CFAP263: variants seen among roughly 807,000 people sequenced by gnomAD.
The protein encoded by CFAP263 is cilia and flagella associated protein 263, also known as cilia- and flagella-associated protein 263.
chr16:58,259,961 C>T, the CFAP263 span: 3 of 1,471,826 alleles, frequency 2.0e-6, no homozygotes, highest in South Asian at 2.4e-5. Flanking sequence ...CTCTCTCTCT[C>T]TGTTTCTTTT....
chr16:58,254,609 C>CT, the CFAP263 span, among the ~76,000 whole-genome samples: 21,465 of 144,880 alleles, frequency 0.15, 1,964 homozygotes, highest in East Asian at 0.32. Flanking sequence ...ACAGTAATTT[C>CT]TTTTTTTTTT....
the CFAP263 span, among the ~76,000 whole-genome samples, chr16:58,265,742 G>A: frequency 2.0e-5 from 3 of 152,218 alleles, no homozygotes; most frequent in East Asian, 1.9e-4. Context: ...GTTATGTAGC[G>A]ATAGGAAGTG....
At chr16:58,278,988 T>A in the CFAP263 span, among the ~76,000 whole-genome samples, 4 of 152,100 alleles carry the variant, frequency 2.6e-5, no homozygotes, top group African/African-American at 4.8e-5. Flanking sequence ...ATTTTTTTTT[T>A]AAATGAGATA....
At chr16:58,260,663 A>G in the CFAP263 span, among the ~76,000 whole-genome samples, 1 of 152,270 alleles carries the variant, frequency 6.6e-6, no homozygotes, top group East Asian at 1.9e-4. Flanking sequence ...ACATGGTTCC[A>G]TCCTTTCCTA....
the CFAP263 span, among the ~76,000 whole-genome samples, chr16:58,269,415 GA>G: frequency 8.1e-4 from 106 of 131,548 alleles, no homozygotes; most frequent in Admixed American, 1.5e-4. Context: ...GGAAAGAAAG[GA>G]AGGGAGGAAA....
At chr16:58,258,519 G>A in the CFAP263 span, 132 of 1,613,356 alleles carry the variant, frequency 8.2e-5, no homozygotes, top group Non-Finnish European at 1.0e-4. Flanking sequence ...ATGAACCGCC[G>A]GAGGGTAAGT....
the CFAP263 span, among the ~76,000 whole-genome samples, chr16:58,266,405 A>ATTT: frequency 9.5e-5 from 3 of 31,442 alleles, no homozygotes; most frequent in African/African-American, 2.3e-4. Context: ...ATATATATAT[A>ATTT]TTTTTTTTTT....
At chr16:58,254,283 G>A in the CFAP263 span, 50 of 993,512 alleles carry the variant, frequency 5.0e-5, no homozygotes, top group African/African-American at 1.4e-4. Context: ...AGGATGAAGC[G>A]AATCCAGGGC....
the CFAP263 span, chr16:58,280,775 A>C: frequency 6.3e-7 from 1 of 1,580,250 alleles, no homozygotes; most frequent in East Asian, 2.3e-5. Context: ...AAAAGACAGA[A>C]GGCTTCAAGT....
chr16:58,280,604 T>C, the CFAP263 span: 2 of 1,614,180 alleles, frequency 1.2e-6, no homozygotes, highest in Non-Finnish European at 1.7e-6. Context: ...GGGCCGGCCC[T>C]CTCAGCCTTG....
chr16:58,263,525 G>A, the CFAP263 span, among the ~76,000 whole-genome samples: 7 of 152,232 alleles, frequency 4.6e-5, no homozygotes, highest in East Asian at 5.8e-4. Flanking sequence ...CCGACCCCTC[G>A]CATAGTGCTC....
chr16:58,258,910 G>A, the CFAP263 span, among the ~76,000 whole-genome samples: 4 of 151,900 alleles, frequency 2.6e-5, no homozygotes, highest in Admixed American at 2.0e-4. Flanking sequence ...CCTGGGAGGC[G>A]GAGATTGCGG....
the CFAP263 span, among the ~76,000 whole-genome samples, chr16:58,272,238 G>T: frequency 6.6e-6 from 1 of 151,794 alleles, no homozygotes; most frequent in Admixed American, 6.6e-5. Flanking sequence ...GGATGGTCTC[G>T]ATCTCCTGAC....
the CFAP263 span, among the ~76,000 whole-genome samples, chr16:58,279,474 A>T: frequency 1.3e-5 from 2 of 152,132 alleles, no homozygotes; most frequent in African/African-American, 2.4e-5. Flanking sequence ...CAGAAGAAAC[A>T]TGCTCTATAG....
the CFAP263 span, among the ~76,000 whole-genome samples, chr16:58,271,030 T>C: frequency 6.6e-6 from 1 of 152,214 alleles, no homozygotes; most frequent in Non-Finnish European, 1.5e-5. Flanking sequence ...TTTTATACAT[T>C]TGATTTTTAA....
the CFAP263 span, among the ~76,000 whole-genome samples, chr16:58,270,454 T>G: frequency 6.6e-6 from 1 of 152,160 alleles, no homozygotes; most frequent in African/African-American, 2.4e-5. Flanking sequence ...GAATGTGTAT[T>G]GTTTTTGCAC....
chr16:58,268,616 T>A, the CFAP263 span, among the ~76,000 whole-genome samples: 1 of 152,158 alleles, frequency 6.6e-6, no homozygotes, highest in Non-Finnish European at 1.5e-5. Flanking sequence ...TATTCACATC[T>A]AAGTTTTGTC....
chr16:58,250,233 AC>A, the CFAP263 span: 1 of 594,454 alleles, frequency 1.7e-6, no homozygotes, highest in Admixed American at 3.1e-5. Context: ...CACTGGGGAG[AC>A]TTTTCCTCTT....
At chr16:58,251,266 G>T in the CFAP263 span, among the ~76,000 whole-genome samples, 1 of 152,220 alleles carries the variant, frequency 6.6e-6, no homozygotes. Context: ...CAGTGGTAGT[G>T]CTGGGATTCA....
Sources: gnomAD v4.1 joint callset for allele counts (sites outside exome capture counted in the v4.1 genomes callset) on GRCh38, gnomAD v4.1.1 for gene constraint, MANE v1.5 for transcripts, NCBI Gene and HGNC (gene_info 2026-07-23, HGNC 2026-07-21) for gene names.